Variants in PCDHGA5 observed in about 807,000 individuals in gnomAD.
PCDHGA5 encodes protocadherin gamma subfamily A, 5, also known as protocadherin gamma-A5.
Under a neutral mutation model 56.7 loss-of-function variants are expected in PCDHGA5, and 36 were observed. That is an observed-to-expected ratio of 0.64 (90% CI 0.49 to 0.84). The LOEUF is 0.84. Among genes scored for constraint, PCDHGA5 ranks in the 40% least tolerant of loss-of-function variants. The pLI is 0.00. For missense variants in PCDHGA5, 1,305 were observed against 1,201.5 expected (o/e 1.09, Z -1.27); for synonymous variants, 563 against 520.2 (o/e 1.08, Z -1.12).
intron 1 of PCDHGA5, chr5:141,423,750 TGGGGGG>T: frequency 3.5e-6 from 1 of 287,482 alleles, no homozygotes; most frequent in Non-Finnish European, 4.5e-6. Flanking sequence ...GAAAACTGTT[TGGGGGG>T]GGGGTGGGGC....
chr5:141,381,826 C>CTTCTTTTTTTT (rs1777532522), intron 1 of PCDHGA5, among the ~76,000 whole-genome samples: 8 of 74,294 alleles, frequency 1.1e-4, no homozygotes, highest in African/African-American at 4.3e-4. Context: ...CTTTCTTCTT[C>CTTCTTTTTTTT]TTTTTTTTTT....
At chr5:141,479,671 G>A (rs1484965995) in intron 1 of PCDHGA5, 1 of 152,196 alleles carries the variant, frequency 6.6e-6, no homozygotes, top group Non-Finnish European at 1.5e-5. Flanking sequence ...AACTACAAAA[G>A]GAGAGTCTTT....
At chr5:141,400,538 A>G (rs994052728) in intron 1 of PCDHGA5, 1 of 1,613,662 alleles carries the variant, frequency 6.2e-7, no homozygotes, top group African/African-American at 1.3e-5. Context: ...AGTTTCATTT[A>G]TGTCTATTCT....
Position 141,495,452 on chromosome 5 carries a change from CTCTG to C in PCDHGA5, c.2480+593_2480+596del, listed in dbSNP as rs550877100. ...GTCCTCTGCCCCTACTTGTCCTGCTCTCTGTCTGTGGGGTCTCCGTGTCTCTGCC... is the reference window on the plus strand; with the variant it reads ...GTCCTCTGCCCCTACTTGTCCTGCTCTCTGTGGGGTCTCCGTGTCTCTGCC... On this transcript the variant is annotated intron_variant, in intron 2 of 3. Coordinates refer to ENST00000518069, the MANE Select transcript of PCDHGA5 (RefSeq NM_018918.3). 5.6e-4 allele frequency among the ~76,000 whole-genome samples: 85 copies of C among 152,356 alleles called. 1 individual carries two copies. Among genetic ancestry groups the C allele is most frequent in the Admixed American group, 3.5e-3 (53 of 15,310 alleles).
chr5:141,477,229 C>T lies in PCDHGA5; in HGVS notation c.2422-17578C>T. ...AGGATGCCCCTCTGGGGACTGTCAT[C>T]GCTTTGCTCAGTGTGACTGACCTGG... On this transcript the variant is annotated intron_variant, in intron 1 of 3. Transcript: ENST00000518069. The surrounding 1 kb of genome is among the most constrained non-coding windows in gnomAD (Gnocchi z 4.9). 6.2e-7 allele frequency: 1 copy of T among 1,614,222 alleles called. No homozygotes were observed. Among genetic ancestry groups the T allele is most frequent in the Non-Finnish European group, 8.5e-7 (1 of 1,180,052 alleles).
At chr5:141,506,247 G>A (rs113270457) in intron 3 of PCDHGA5, among the ~76,000 whole-genome samples, 8,033 of 152,078 alleles carry the variant, frequency 0.053, 470 homozygotes, top group African/African-American at 0.14. Flanking sequence ...TCAGGAGTTC[G>A]AAACCGGCCT....
intron 1 of PCDHGA5, chr5:141,385,286 A>G: frequency 3.1e-6 from 5 of 1,613,826 alleles, no homozygotes; most frequent in Non-Finnish European, 4.2e-6. Flanking sequence ...ACATCCGTAG[A>G]TTTTCAGGAA....
chr5:141,380,542 T>A lies in PCDHGA5; in HGVS notation c.2421+13791T>A, dbSNP rs182715146. 2.0e-5 allele frequency among the ~76,000 whole-genome samples: 3 copies of A among 152,362 alleles called. No individual in the cohort carries two copies. The East Asian group carries it at 5.8e-4, about 29-fold the overall frequency. On this transcript the variant is annotated intron_variant, in intron 1 of 3. Transcript: ENST00000518069. ...ATGAAATGATTTCAATTTGATACAA[T>A]GAGCTTATGTTAGATTTTATTAAAC...
intron 1 of PCDHGA5, among the ~76,000 whole-genome samples, chr5:141,462,829 G>T (rs770335372): frequency 4.6e-5 from 7 of 152,130 alleles, no homozygotes; most frequent in Non-Finnish European, 8.8e-5. Flanking sequence ...AGCAGACATT[G>T]TAAATGTTAT....
At chr5:141,469,782 G>A (rs760985231) in intron 1 of PCDHGA5, among the ~76,000 whole-genome samples, 8 of 152,204 alleles carry the variant, frequency 5.3e-5, no homozygotes, top group African/African-American at 1.7e-4. Context: ...TTATTACAGC[G>A]TTATTTGTAA....
chr5:141,371,793 C>T (rs768654364), intron 1 of PCDHGA5: 12 of 1,613,808 alleles, frequency 7.4e-6, no homozygotes, highest in Non-Finnish European at 9.3e-6. Context: ...GAACAATCCG[C>T]CTGGAGCCTC....
At chr5:141,452,460 G>A (rs750887712) in intron 1 of PCDHGA5, among the ~76,000 whole-genome samples, 1 of 152,140 alleles carries the variant, frequency 6.6e-6, no homozygotes, top group Non-Finnish European at 1.5e-5. Flanking sequence ...GTCAGCAGAC[G>A]GAGCTAGGAA....
intron 1 of PCDHGA5, among the ~76,000 whole-genome samples, chr5:141,472,071 A>G (rs1243864250): frequency 6.6e-6 from 1 of 152,200 alleles, no homozygotes. Context: ...GTCTGTGGTT[A>G]TATCAATGAG....
At chr5:141,430,261 A>T (rs1236197353) in intron 1 of PCDHGA5, among the ~76,000 whole-genome samples, 1 of 152,104 alleles carries the variant, frequency 6.6e-6, no homozygotes, top group African/African-American at 2.4e-5. Context: ...CATCTCCATA[A>T]TAGGTGTGTT....
At chr5:141,419,713 C>T in intron 1 of PCDHGA5, 1 of 1,613,264 alleles carries the variant, frequency 6.2e-7, no homozygotes, top group East Asian at 2.2e-5. Context: ...GGCTCTTCAG[C>T]CTGGGGCTGC....
chr5:141,401,503 C>A (rs755118621), intron 1 of PCDHGA5, among the ~76,000 whole-genome samples: 1 of 151,946 alleles, frequency 6.6e-6, no homozygotes, highest in Non-Finnish European at 1.5e-5. Flanking sequence ...AATCCTTTTC[C>A]ACCTCTATAT....
intron 1 of PCDHGA5, chr5:141,379,581 T>A (rs1300858565): frequency 6.6e-6 from 1 of 152,240 alleles, no homozygotes; most frequent in Non-Finnish European, 1.5e-5. Context: ...TGGTTTATTT[T>A]ATTCTCTTAT....
At chr5:141,418,674 GCAT>G (rs1401114725) in intron 1 of PCDHGA5, 1 of 1,614,032 alleles carries the variant, frequency 6.2e-7, no homozygotes, top group Non-Finnish European at 8.5e-7. Flanking sequence ...CAGGACGAGG[GCAT>G]CAACTCAGAG....
rs1488305057 is a variant in PCDHGA5, at chr5:141,477,736, C to G, written c.2422-17071C>G. 6.2e-7 allele frequency: 1 copy of G among 1,613,790 alleles called. No homozygotes were observed. The highest frequency in any genetic ancestry group is 1.1e-5 in the South Asian group (1 of 91,088). On this transcript the variant is annotated intron_variant, in intron 1 of 3. Coordinates refer to ENST00000518069, the MANE Select transcript of PCDHGA5 (RefSeq NM_018918.3). This position sits in a 1 kb window ranked among gnomAD's most constrained non-coding sequence, Gnocchi z 4.9. ...AATTTGAATTAACAGCTCATATCAG[C>G]GATGGGGGCACCCCGGTCCTAGCCA...
Sources: gnomAD v4.1 joint callset for allele counts (sites outside exome capture counted in the v4.1 genomes callset) on GRCh38, gnomAD v4.1.1 for gene constraint, Gnocchi (gnomAD v3.1) non-coding constraint, MANE v1.5 for transcripts, NCBI Gene and HGNC (gene_info 2026-07-23, HGNC 2026-07-21) for gene names.